Variants in PIK3CA observed in about 807,000 individuals in gnomAD.
PIK3CA encodes phosphatidylinositol-4,5-bisphosphate 3-kinase catalytic subunit alpha, also known as phosphatidylinositol 4,5-bisphosphate 3-kinase catalytic subunit alpha isoform.
PIK3CA carries 27 observed loss-of-function variants against 138.2 expected under a neutral mutation model. The ratio of observed to expected loss-of-function variants is 0.20; its 90% CI spans 0.14 to 0.27. The LOEUF is 0.27. Ranked by LOEUF, PIK3CA falls within the 10% of genes least tolerant of loss-of-function variation. PIK3CA has a pLI of 1.00. For missense variants in PIK3CA, 544 were observed against 1,277.4 expected (o/e 0.43, Z 8.75); for synonymous variants, 358 against 413.2 (o/e 0.87, Z 1.62).
chr3:179,162,976 T>C (rs1394601420), intron 1 of PIK3CA, among the ~76,000 whole-genome samples: 1 of 152,184 alleles, frequency 6.6e-6, no homozygotes, highest in Non-Finnish European at 1.5e-5. Context: ...GCTAACCCTG[T>C]AGCTTATTAG....
intron 2 of PIK3CA, 50 bp from the exon 3 acceptor site, chr3:179,199,640 A>C (rs1298368305): frequency 7.8e-6 from 10 of 1,284,740 alleles, no homozygotes; most frequent in Admixed American, 1.8e-5. Flanking sequence ...AAACATGTTC[A>C]TGCTGTGTAT....
At position 179,237,333 on chromosome 3, in the gene PIK3CA, T is replaced by C. The variant is rs1369919882; in HGVS notation, c.*2969T>C. The C allele has an allele frequency of 1.0e-5, 2 of 195,828 alleles. No homozygotes were observed. Among genetic ancestry groups the C allele is most frequent in the East Asian group, 1.6e-4 (2 of 12,536 alleles). The allele number at this position is 195,828 out of a possible 1,614,324, so 12.1% of individuals were successfully genotyped here. A position where few individuals can be genotyped will look rare whatever the true frequency, so the allele number is the denominator to read the frequency against. On this transcript the variant is annotated 3_prime_UTR_variant, in exon 21 of 21. Transcript: ENST00000263967. The stretch of plus-strand genomic sequence containing the variant: ...TATGTAAAACTTAGTGTCAAAGTAA[T>C]CAACTTTGAGATTTTCCCTTCTATT...
intron 16 of PIK3CA, among the ~76,000 whole-genome samples, chr3:179,225,077 A>G (rs927464762): frequency 6.7e-6 from 1 of 148,740 alleles, no homozygotes; most frequent in African/African-American, 2.5e-5. Context: ...CCTGCCTCCA[A>G]CCCCCCTCCC....
chr3:179,186,903 G>A (rs546311576), intron 1 of PIK3CA, among the ~76,000 whole-genome samples: 6 of 152,250 alleles, frequency 3.9e-5, no homozygotes, highest in African/African-American at 1.4e-4. Context: ...CAGGTGCATA[G>A]ACTTCTATTT....
chr3:179,191,175 G>C (rs1274459556), intron 1 of PIK3CA, among the ~76,000 whole-genome samples: 1 of 152,186 alleles, frequency 6.6e-6, no homozygotes, highest in East Asian at 1.9e-4. Context: ...AGGTACAGGG[G>C]AATGTCAGAC....
At chr3:179,228,973 T>G (rs970775401) in intron 17 of PIK3CA, among the ~76,000 whole-genome samples, 1 of 152,162 alleles carries the variant, frequency 6.6e-6, no homozygotes, top group Non-Finnish European at 1.5e-5. Flanking sequence ...TTAACACATA[T>G]TTTTAAAATC....
At position 179,204,602 on chromosome 3, in the gene PIK3CA, T is replaced by C. The variant is rs201549391; in HGVS notation, c.1145+14T>C. ...TTCCAATCCCAGGTAAGGAAGTATA[T>C]AGATTTATATTTCCAAAGGTTATAT... On this transcript the variant is annotated intron_variant, in intron 6 of 20. Coordinates refer to ENST00000263967, the MANE Select transcript of PIK3CA (RefSeq NM_006218.4). 8.0e-7 allele frequency: 1 copy of C among 1,253,698 alleles called. No homozygotes were observed. The highest frequency in any genetic ancestry group is 1.2e-6 in the Non-Finnish European group (1 of 853,102). 77.7% of individuals were successfully genotyped at this position (1,253,698 alleles called of 1,614,324 possible).
At chr3:179,172,996 G>A (rs1723597981) in intron 1 of PIK3CA, among the ~76,000 whole-genome samples, 1 of 152,098 alleles carries the variant, frequency 6.6e-6, no homozygotes, top group Non-Finnish European at 1.5e-5. Context: ...TGAAAATCTA[G>A]AAAGAGTAAT....
At chr3:179,205,402 A>G (rs1008052277) in intron 6 of PIK3CA, among the ~76,000 whole-genome samples, 11 of 152,170 alleles carry the variant, frequency 7.2e-5, no homozygotes, top group Non-Finnish European at 1.6e-4. Flanking sequence ...AGAACAGAGT[A>G]TGGTTATAAT....
intron 17 of PIK3CA, among the ~76,000 whole-genome samples, chr3:179,228,939 C>T (rs147337366): frequency 4.2e-4 from 64 of 152,106 alleles, no homozygotes; most frequent in African/African-American, 1.3e-3. Flanking sequence ...AGTTTTATTT[C>T]GATGTCAATT....
chr3:179,166,358 A>T (rs773009580), intron 1 of PIK3CA, among the ~76,000 whole-genome samples: 3 of 152,166 alleles, frequency 2.0e-5, no homozygotes, highest in African/African-American at 7.2e-5. Flanking sequence ...TCACATGTTC[A>T]TTTAAATTAC....
At chr3:179,149,353 A>G (rs1245124198) in intron 1 of PIK3CA, among the ~76,000 whole-genome samples, 1 of 152,080 alleles carries the variant, frequency 6.6e-6, no homozygotes, top group Non-Finnish European at 1.5e-5. Context: ...TGGGCTATGT[A>G]AACACCAGAC....
At chr3:179,221,291 C>G in intron 14 of PIK3CA, 134 bp downstream of exon 14, 1 of 633,490 alleles carries the variant, frequency 1.6e-6, no homozygotes, top group Non-Finnish European at 2.8e-6. Flanking sequence ...TCCACTGCCT[C>G]TCAGCTGTGT....
At chr3:179,166,494 TCTA>T (rs76046740) in intron 1 of PIK3CA, among the ~76,000 whole-genome samples, 13,572 of 152,266 alleles carry the variant, frequency 0.089, 893 homozygotes, top group African/African-American at 0.17. Flanking sequence ...TGCCTATTCC[TCTA>T]GGGTATGAAC....
chr3:179,195,615 T>C (rs1282573277), intron 1 of PIK3CA, among the ~76,000 whole-genome samples: 1 of 151,792 alleles, frequency 6.6e-6, no homozygotes. Context: ...CATTCTCTTA[T>C]TCACTACTGG....
rs1177119319 is a variant in PIK3CA, at chr3:179,218,086, C to T, written c.1540-124C>T. The T allele has an allele frequency of 5.8e-6, 5 of 857,902 alleles. No homozygotes were observed. The African/African-American group carries it at 7.0e-5, about 12-fold the overall frequency. 53.1% of individuals were successfully genotyped at this position (857,902 alleles called of 1,614,324 possible). On this transcript the variant is annotated intron_variant, in intron 9 of 20. Transcript: ENST00000263967. ...CTTGCAATGAAAATAAATTATTTTA[C>T]AACAGTTAATTAGCAATGTAAAATT...
At chr3:179,178,601 A>C (rs1312255329) in intron 1 of PIK3CA, among the ~76,000 whole-genome samples, 8 of 152,198 alleles carry the variant, frequency 5.3e-5, no homozygotes, top group Non-Finnish European at 1.0e-4. Flanking sequence ...TAAACATAAC[A>C]TTTACCTAAT....
intron 1 of PIK3CA, among the ~76,000 whole-genome samples, chr3:179,161,215 C>T (rs936115193): frequency 5.9e-5 from 9 of 152,142 alleles, no homozygotes; most frequent in African/African-American, 2.2e-4. Flanking sequence ...AGCAATGATT[C>T]CATAAGGAGG....
At chr3:179,211,441 C>T (rs1345456498) in intron 9 of PIK3CA, among the ~76,000 whole-genome samples, 3 of 152,140 alleles carry the variant, frequency 2.0e-5, no homozygotes, top group African/African-American at 7.2e-5. Context: ...GAGGCCGAAG[C>T]GGGTGAATCA....
Sources: gnomAD v4.1 joint callset for allele counts (sites outside exome capture counted in the v4.1 genomes callset) on GRCh38, gnomAD v4.1.1 for gene constraint, MANE v1.5 for transcripts, NCBI Gene and HGNC (gene_info 2026-07-23, HGNC 2026-07-21) for gene names.